POU6F2: variants seen among roughly 807,000 people sequenced by gnomAD.
POU6F2 encodes POU class 6 homeobox 2.
In POU6F2, 31 loss-of-function variants were observed where a neutral mutation model predicts 71.3. The ratio of observed to expected loss-of-function variants is 0.43; its 90% CI spans 0.33 to 0.59. The LOEUF (loss-of-function observed/expected upper bound fraction) is 0.59, where lower values mean the gene tolerates loss of function less well. Among genes scored for constraint, POU6F2 ranks in the 20% least tolerant of loss-of-function variants. POU6F2 has a pLI of 0.04. For missense variants in POU6F2, 783 were observed against 856.8 expected, an observed-to-expected ratio of 0.91 and a Z score of 1.07; for synonymous variants, 347 against 355.7, an observed-to-expected ratio of 0.98 and a Z score of 0.27.
chr7:39,314,020 G>A lies in POU6F2; in HGVS notation c.599-25622G>A, dbSNP rs571929125. On this transcript the variant is annotated intron_variant, in intron 4 of 9. Transcript: ENST00000518318. ...TTCTTCTGCTTTGAGATTCTGTGAT[G>A]CTATGCACACATGAGATTCTGTGAT... 1.0e-3 allele frequency among the ~76,000 whole-genome samples: 159 copies of A among 152,260 alleles called. 1 individual carries two copies. Among genetic ancestry groups the A allele is most frequent in the Non-Finnish European group, 1.5e-4 (10 of 68,022 alleles).
intron 5 of POU6F2, among the ~76,000 whole-genome samples, chr7:39,381,242 T>C (rs1042715564): frequency 1.4e-4 from 21 of 151,924 alleles, no homozygotes; most frequent in African/African-American, 4.6e-4. Flanking sequence ...TTTTTGTTTC[T>C]GTTTTTGTTT....
chr7:39,323,588 G>GC (rs1301072855), intron 4 of POU6F2, among the ~76,000 whole-genome samples: 8 of 152,074 alleles, frequency 5.3e-5, no homozygotes, highest in Non-Finnish European at 8.8e-5. Flanking sequence ...AAGTCAAAGT[G>GC]CCCCCCCTCA....
intron 1 of POU6F2, among the ~76,000 whole-genome samples, chr7:39,017,131 T>TGGGG (rs1789573880): frequency 6.6e-6 from 1 of 152,198 alleles, no homozygotes; most frequent in South Asian, 2.1e-4. Flanking sequence ...TGTGTCCTCT[T>TGGGG]CCCTATCCCA....
At chr7:39,033,718 T>A (rs1213873034) in intron 1 of POU6F2, among the ~76,000 whole-genome samples, 1 of 152,210 alleles carries the variant, frequency 6.6e-6, no homozygotes, top group African/African-American at 2.4e-5. Flanking sequence ...TGCAGTCCCT[T>A]GAAACTTACA....
chr7:39,174,307 C>T (rs1562733723), intron 2 of POU6F2, among the ~76,000 whole-genome samples: 1 of 152,120 alleles, frequency 6.6e-6, no homozygotes, highest in Non-Finnish European at 1.5e-5. Flanking sequence ...CACCTGGAAC[C>T]TTTTGTTGAA....
intron 1 of POU6F2, among the ~76,000 whole-genome samples, chr7:39,011,847 TG>T (rs1357017483): frequency 2.0e-5 from 3 of 150,042 alleles, no homozygotes; most frequent in African/African-American, 7.3e-5. Context: ...TGTTGAATAT[TG>T]GCCCCCACTC....
intron 4 of POU6F2, among the ~76,000 whole-genome samples, chr7:39,313,806 A>T (rs1158033988): frequency 1.3e-5 from 2 of 152,244 alleles, no homozygotes; most frequent in African/African-American, 4.8e-5. Context: ...ACTTACAGAA[A>T]GGTAAATTTT....
chr7:39,258,410 T>A (rs576950698), intron 4 of POU6F2, among the ~76,000 whole-genome samples: 288 of 152,344 alleles, frequency 1.9e-3, no homozygotes, highest in South Asian at 5.2e-3. Flanking sequence ...ATACTGGTTT[T>A]AAAGTGTGTG....
rs377295339 is a variant in POU6F2 at position 39,460,514 on chromosome 7, G to A, written c.1490-33G>A. The A allele has an allele frequency of 1.2e-4, 192 of 1,606,406 alleles. No homozygotes were observed. Among genetic ancestry groups the A allele is most frequent in the East Asian group, 1.8e-4 (8 of 44,748 alleles). On this transcript the variant is annotated intron_variant, in intron 8 of 9. Transcript: ENST00000518318. The surrounding 1 kb of genome is among the most constrained non-coding windows in gnomAD (Gnocchi z 4.4). ...AGATATTGCTCGGCTGTGTGTTGAC[G>A]TATTGATCCTATTTTTAAAAACATC... is the stretch of plus-strand genomic sequence containing the variant.
At chr7:39,087,314 T>C (rs763115079) in intron 2 of POU6F2, among the ~76,000 whole-genome samples, 1 of 151,994 alleles carries the variant, frequency 6.6e-6, no homozygotes, top group Non-Finnish European at 1.5e-5. Context: ...TAGAGAGATG[T>C]CACAGAGAAA....
chr7:39,277,872 C>T (rs1321482214), intron 4 of POU6F2, among the ~76,000 whole-genome samples: 2 of 152,014 alleles, frequency 1.3e-5, no homozygotes, highest in Non-Finnish European at 2.9e-5. Flanking sequence ...TCCTGGGCAA[C>T]ATGGTGAAAC....
intron 1 of POU6F2, among the ~76,000 whole-genome samples, chr7:38,982,413 A>T (rs942866843): frequency 6.6e-6 from 1 of 152,114 alleles, no homozygotes. Context: ...TACTGGTGCT[A>T]GTATTCTTTT....
At chr7:39,268,890 G>A (rs1373512794) in intron 4 of POU6F2, among the ~76,000 whole-genome samples, 2 of 152,192 alleles carry the variant, frequency 1.3e-5, no homozygotes, top group East Asian at 3.9e-4. Context: ...TCCACTTCAA[G>A]TGTTGCCGGG....
At chr7:39,263,819 C>T (rs57958250) in intron 4 of POU6F2, among the ~76,000 whole-genome samples, 52,527 of 152,052 alleles carry the variant, frequency 0.35, 9,805 homozygotes, top group South Asian at 0.52. Context: ...GTGACCTCCC[C>T]GAAGGCAGGA....
chr7:39,068,903 C>A (rs776542547), intron 1 of POU6F2, among the ~76,000 whole-genome samples: 1 of 152,082 alleles, frequency 6.6e-6, no homozygotes, highest in Non-Finnish European at 1.5e-5. Context: ...GATTGCTGAG[C>A]CCTGCCCTGT....
intron 4 of POU6F2, among the ~76,000 whole-genome samples, chr7:39,337,163 CTTT>C (rs1343725148): frequency 1.3e-5 from 2 of 152,182 alleles, no homozygotes; most frequent in Non-Finnish European, 2.9e-5. Flanking sequence ...TTCTTGGCTT[CTTT>C]GTCATGTTAA....
chr7:39,016,017 TA>T (rs1789521685), intron 1 of POU6F2, among the ~76,000 whole-genome samples: 1 of 76,052 alleles, frequency 1.3e-5, no homozygotes. Flanking sequence ...TTATATATTA[TA>T]TATATTATAT....
At chr7:39,049,976 T>C (rs2128713697) in intron 1 of POU6F2, among the ~76,000 whole-genome samples, 1 of 152,162 alleles carries the variant, frequency 6.6e-6, no homozygotes, top group African/African-American at 2.4e-5. Context: ...TCTTTGCATG[T>C]CTCATAATTT....
At chr7:39,365,300 A>G (rs1041283595) in intron 5 of POU6F2, among the ~76,000 whole-genome samples, 1 of 152,216 alleles carries the variant, frequency 6.6e-6, no homozygotes, top group African/African-American at 2.4e-5. Context: ...AGGGTCCCCT[A>G]TTCAACAAAT....
Sources: gnomAD v4.1 joint callset for allele counts (sites outside exome capture counted in the v4.1 genomes callset) on GRCh38, gnomAD v4.1.1 for gene constraint, Gnocchi (gnomAD v3.1) non-coding constraint, MANE v1.5 for transcripts, NCBI Gene and HGNC (gene_info 2026-07-23, HGNC 2026-07-21) for gene names.